Variants in VWA8 observed in about 807,000 individuals in gnomAD.
VWA8 encodes von Willebrand factor A domain-containing protein 8.
A neutral mutation model predicts 241.5 loss-of-function variants in VWA8; 221 were observed. That is an observed-to-expected ratio of 0.91 (90% confidence interval 0.82 to 1.02). VWA8 has a LOEUF of 1.02. Ranked by LOEUF, VWA8 falls within the 50% of genes least tolerant of loss-of-function variation. The pLI, the probability that VWA8 is intolerant of heterozygous loss-of-function variation, is 0.00. For missense variants in VWA8, 2,322 were observed against 2,328.7 expected, an observed-to-expected ratio of 1.00 and a Z score of 0.06; for synonymous variants, 852 against 827.1, an observed-to-expected ratio of 1.03 and a Z score of -0.52.
intron 21 of VWA8, among the ~76,000 whole-genome samples, chr13:41,751,733 G>A (rs182573547): frequency 6.2e-4 from 94 of 152,228 alleles, no homozygotes; most frequent in African/African-American, 2.1e-3. Flanking sequence ...CTATGACAGA[G>A]GAAAAGTAAG....
intron 21 of VWA8, among the ~76,000 whole-genome samples, chr13:41,736,175 A>T (rs1209229970): frequency 6.6e-6 from 1 of 152,184 alleles, no homozygotes; most frequent in East Asian, 1.9e-4. Flanking sequence ...ATACTTGATG[A>T]ATTAATTAGA....
chr13:41,576,086 T>A (rs2044349094), intron 42 of VWA8, among the ~76,000 whole-genome samples: 1 of 152,150 alleles, frequency 6.6e-6, no homozygotes, highest in African/African-American at 2.4e-5. Context: ...GGAAAAAAAG[T>A]CTGGGGTCTG....
At chr13:41,832,887 T>C (rs1490151607) in intron 13 of VWA8, among the ~76,000 whole-genome samples, 1 of 152,020 alleles carries the variant, frequency 6.6e-6, no homozygotes, top group Non-Finnish European at 1.5e-5. Flanking sequence ...TTTTAGTCTA[T>C]ATAAAATATA....
intron 2 of VWA8, among the ~76,000 whole-genome samples, chr13:41,920,866 G>T (rs1876493390): frequency 6.6e-6 from 1 of 152,202 alleles, no homozygotes; most frequent in Non-Finnish European, 1.5e-5. Context: ...ACAAAGAGGA[G>T]TTGATACCAT....
intron 19 of VWA8, among the ~76,000 whole-genome samples, chr13:41,783,386 TAC>T (rs1868983366): frequency 6.6e-6 from 1 of 152,002 alleles, no homozygotes; most frequent in African/African-American, 2.4e-5. Context: ...ACGCCTGTAA[TAC>T]TAGCACTTTG....
chr13:41,748,624 T>C (rs2045628927), intron 21 of VWA8, among the ~76,000 whole-genome samples: 2 of 152,178 alleles, frequency 1.3e-5, no homozygotes, highest in South Asian at 4.1e-4. Context: ...ATCTTAGTTA[T>C]TTCTTGCCTT....
rs181895190 is a variant in VWA8, at chr13:41,710,506, A to G, written c.3117-7095T>C. Among the ~76,000 whole-genome samples, 14 of 152,350 alleles carry G rather than the reference A, an allele frequency of 9.2e-5. 1 individual carries two copies. The East Asian group carries it at 2.7e-3, about 29-fold the overall frequency. ...AAGAGAATATAAGGCAAAGACTATG[A>G]CAATATAAAACTCATCACCACTCTT... On this transcript the variant is annotated intron_variant, in intron 26 of 44. Transcript: ENST00000379310.
Position 41,934,116 on chromosome 13 carries a change from CA to C in VWA8, c.241+15819del, listed in dbSNP as rs551457747. Among the ~76,000 whole-genome samples the C allele has an allele frequency of 5.9e-4, 72 of 121,988 alleles. 1 individual carries two copies. Among genetic ancestry groups the C allele is most frequent in the South Asian group, 5.5e-3 (21 of 3,798 alleles). The allele number at this position is 121,988 out of a possible 152,430, so 80.0% of individuals were successfully genotyped here. ...CAGACTATATAAAGAAAAAGCAACT[CA>C]AAAAAAAAAAAACCACAAACAGCCC... On this transcript the variant is annotated intron_variant, in intron 2 of 44. Coordinates refer to ENST00000379310, the MANE Select transcript of VWA8 (RefSeq NM_015058.2).
At chr13:41,891,146 GAGA>G (rs1874817354) in intron 5 of VWA8, among the ~76,000 whole-genome samples, 2 of 146,162 alleles carry the variant, frequency 1.4e-5, no homozygotes, top group African/African-American at 5.1e-5. Flanking sequence ...GAGGAAGAAA[GAGA>G]AGAAGAAAAA....
intron 37 of VWA8, among the ~76,000 whole-genome samples, chr13:41,654,585 T>C (rs972094289): frequency 3.3e-5 from 5 of 152,218 alleles, no homozygotes; most frequent in Non-Finnish European, 7.3e-5. Context: ...TGTGAGAATC[T>C]ACTGCTGCTG....
intron 29 of VWA8, among the ~76,000 whole-genome samples, chr13:41,696,673 A>G (rs2045217533): frequency 6.6e-6 from 1 of 152,228 alleles, no homozygotes; most frequent in Admixed American, 6.5e-5. Context: ...GAAGAATAAC[A>G]TGAGTAATGT....
intron 37 of VWA8, among the ~76,000 whole-genome samples, chr13:41,654,521 G>A (rs1240881074): frequency 6.6e-6 from 1 of 152,164 alleles, no homozygotes; most frequent in Non-Finnish European, 1.5e-5. Context: ...CTCATAAGGA[G>A]GACACAATTT....
At position 41,886,397 on chromosome 13, in the gene VWA8, C is replaced by CA. The variant is rs942164851; in HGVS notation, c.867-370dup. Among the ~76,000 whole-genome samples, 741 of 145,498 alleles carry CA rather than the reference C, an allele frequency of 5.1e-3. 2 individuals are homozygous for CA. The highest frequency in any genetic ancestry group is 0.017 in the African/African-American group (669 of 39,812). ...TTTTAAAACAAACAAACAAACAAAA[C>CA]AAAAAAAAAACACTTGTTGTGTTCG... On this transcript the variant is annotated intron_variant, in intron 7 of 44. Transcript: ENST00000379310.
chr13:41,768,808 C>T (rs1173005696), intron 20 of VWA8, among the ~76,000 whole-genome samples: 1 of 151,990 alleles, frequency 6.6e-6, no homozygotes, highest in Non-Finnish European at 1.5e-5. Flanking sequence ...GTACATCTTT[C>T]CTCTTTCAAA....
At chr13:41,623,266 C>A (rs1390297472) in intron 37 of VWA8, among the ~76,000 whole-genome samples, 2 of 152,092 alleles carry the variant, frequency 1.3e-5, no homozygotes, top group Non-Finnish European at 2.9e-5. Flanking sequence ...ACATGGTGAC[C>A]ATGTGTTAAC....
At chr13:41,895,020 C>T (rs1221963103) in intron 4 of VWA8, among the ~76,000 whole-genome samples, 1 of 151,466 alleles carries the variant, frequency 6.6e-6, no homozygotes, top group Admixed American at 6.6e-5. Flanking sequence ...GATTCAAAAA[C>T]TTGAGCATGT....
rs927315462 is a variant in VWA8, at chr13:41,605,323, T to C, written c.4878-47A>G. The C allele has an allele frequency of 2.5e-6, 4 of 1,586,598 alleles. No homozygotes were observed. The Admixed American group carries it at 6.8e-5, about 27-fold the overall frequency. ...AAGTTAACAGCTTAAATCACGTATA[T>C]GTGGGTTTTTACTTCCATTCGCCTC... is the stretch of plus-strand genomic sequence containing the variant. On this transcript the variant is annotated intron_variant, in intron 39 of 44. Coordinates refer to ENST00000379310, the MANE Select transcript of VWA8 (RefSeq NM_015058.2).
intron 39 of VWA8, among the ~76,000 whole-genome samples, chr13:41,609,952 T>C (rs944238639): frequency 3.9e-5 from 6 of 152,194 alleles, no homozygotes; most frequent in African/African-American, 1.4e-4. Context: ...TGTAGGGCAA[T>C]TGTCCTGAAG....
intron 9 of VWA8, among the ~76,000 whole-genome samples, chr13:41,879,291 G>A (rs767422112): frequency 2.0e-5 from 3 of 151,348 alleles, no homozygotes; most frequent in African/African-American, 4.9e-5. Flanking sequence ...TTTCCACATG[G>A]TTCTTAATAT....
Sources: allele counts gnomAD v4.1 joint callset (sites outside exome capture counted in the v4.1 genomes callset), GRCh38; gene constraint gnomAD v4.1.1; transcripts MANE v1.5; gene names NCBI Gene and HGNC (gene_info 2026-07-23, HGNC 2026-07-21).